The following ZFHX3 variants were observed in gnomAD, a reference collection of about 807,000 sequenced individuals.
ZFHX3 encodes zinc finger homeobox 3.
ZFHX3 carries 42 observed loss-of-function variants against 279.1 expected under a neutral mutation model. That is an observed-to-expected ratio of 0.15 (90% CI 0.12 to 0.19). The LOEUF (loss-of-function observed/expected upper bound fraction) is 0.19. ZFHX3 is among the 10% of genes least tolerant of loss of function. The pLI, the probability that ZFHX3 is intolerant of heterozygous loss-of-function variation, is 1.00. For synonymous variants in ZFHX3, 2,293 were observed against 1,957.8 expected, an observed-to-expected ratio of 1.17 and a Z score of -4.52; for missense variants, 4,981 against 4,754.0, an observed-to-expected ratio of 1.05 and a Z score of -1.40.
In ZFHX3 at chr16:72,787,360, G is replaced by A. The variant is rs759319087; in HGVS notation, c.10916C>T (p.Ser3639Leu). ...PPSFPPLSSS[S>L]TVTSSSCSTS... ...GCTGCATGAACTTGAGGTAACCGTT[G>A]AAGATGAGGAGAGAGGAGGAAAAGA... Residue 3639 changes from serine to leucine, a missense_variant, in exon 10 of 10, where the codon TCA becomes TTA. Physicochemically the swap from Ser to Leu is moderately radical, Grantham distance 145 (BLOSUM62 -2). Coordinates refer to ENST00000268489, the MANE Select transcript of ZFHX3 (RefSeq NM_006885.4). 2.5e-6 allele frequency: 4 copies of A among 1,612,526 alleles called. No individual in the cohort carries two copies. The highest frequency in any genetic ancestry group is 3.3e-5 in the Admixed American group (2 of 59,902).
intron 5 of ZFHX3, among the ~76,000 whole-genome samples, chr16:73,151,114 A>G (rs1157968058): frequency 6.6e-6 from 1 of 152,228 alleles, no homozygotes; most frequent in Non-Finnish European, 1.5e-5. Flanking sequence ...ATTTATATCA[A>G]ATGTCCACAA....
At chr16:72,989,414 G>A (rs1962984631) in intron 1 of ZFHX3, among the ~76,000 whole-genome samples, 1 of 151,684 alleles carries the variant, frequency 6.6e-6, no homozygotes, top group African/African-American at 2.4e-5. Flanking sequence ...CCCAGGAGGT[G>A]GAAGTTGCAG....
intron 5 of ZFHX3, among the ~76,000 whole-genome samples, chr16:73,199,523 T>A (rs988191775): frequency 3.3e-5 from 5 of 152,236 alleles, no homozygotes; most frequent in African/African-American, 1.2e-4. Context: ...TTCCCACCCA[T>A]TGCTCTCTTG....
chr16:73,046,128 G>A (rs940131801), intron 1 of ZFHX3, among the ~76,000 whole-genome samples: 2 of 152,180 alleles, frequency 1.3e-5, no homozygotes, highest in Admixed American at 6.5e-5. Flanking sequence ...CTCTCTGAAA[G>A]GGTGCCTGCA....
chr16:73,371,450 A>G (rs1266970368), intron 3 of ZFHX3, among the ~76,000 whole-genome samples: 1 of 151,470 alleles, frequency 6.6e-6, no homozygotes, highest in Non-Finnish European at 1.5e-5. Flanking sequence ...AGTGGCGCCA[A>G]CTCGGCTCGC....
chr16:73,316,389 A>C (rs1597280643), intron 4 of ZFHX3, among the ~76,000 whole-genome samples: 2 of 148,820 alleles, frequency 1.3e-5, no homozygotes, highest in Non-Finnish European at 3.0e-5. Context: ...TGTCCACCCC[A>C]CCCTCACCCC....
chr16:73,729,284 C>T (rs796221146), intron 1 of ZFHX3, among the ~76,000 whole-genome samples: 1 of 152,284 alleles, frequency 6.6e-6, no homozygotes, highest in African/African-American at 2.4e-5. Context: ...CCCAACACTT[C>T]TGGAGGCCAA....
chr16:73,538,339 T>G (rs2019943791), intron 2 of ZFHX3, among the ~76,000 whole-genome samples: 1 of 152,098 alleles, frequency 6.6e-6, no homozygotes, highest in Non-Finnish European at 1.5e-5. Flanking sequence ...AAATAAAATA[T>G]AATTAAAAGT....
intron 1 of ZFHX3, among the ~76,000 whole-genome samples, chr16:73,723,000 C>G (rs977037237): frequency 6.6e-6 from 1 of 152,112 alleles, no homozygotes; most frequent in African/African-American, 2.4e-5. Flanking sequence ...AGTGTGTGGT[C>G]TTCAAGCTAA....
chr16:73,848,383 T>C (rs1475651451), intron 1 of ZFHX3, among the ~76,000 whole-genome samples: 2 of 151,840 alleles, frequency 1.3e-5, no homozygotes, highest in East Asian at 1.9e-4. Context: ...GCAACGTTAC[T>C]TGATATCTAA....
chr16:73,336,589 A>C lies in ZFHX3; in HGVS notation c.-1290-18253T>G, dbSNP rs181076686. 3.9e-5 allele frequency among the ~76,000 whole-genome samples: 6 copies of C among 152,212 alleles called. No homozygotes were observed. In the East Asian group the frequency reaches 9.7e-4, roughly 24 times the overall value. ...ATCTTGTTCATTTTTATGACTGTGTAGTAGTTCATGGTGTATACGTGCCAT... is the reference window on the plus strand; with the variant it reads ...ATCTTGTTCATTTTTATGACTGTGTCGTAGTTCATGGTGTATACGTGCCAT... On this transcript the variant is annotated intron_variant, in intron 3 of 17. Transcript: ENST00000641206.
chr16:73,218,018 G>C (rs1031266370), intron 5 of ZFHX3, among the ~76,000 whole-genome samples: 1 of 152,132 alleles, frequency 6.6e-6, no homozygotes, highest in Non-Finnish European at 1.5e-5. Context: ...GTGTCTTCCA[G>C]TTTTATTCTG....
At chr16:73,515,551 GGAGAGAAAGA>G (rs2019505997) in intron 2 of ZFHX3, among the ~76,000 whole-genome samples, 1 of 139,742 alleles carries the variant, frequency 7.2e-6, no homozygotes, top group South Asian at 2.3e-4. Context: ...AGGAAGAGAG[GGAGAGAAAGA>G]GAGAGAAAGA....
rs184733643 is a variant in ZFHX3 at position 73,402,883 on chromosome 16, G to A, written c.-1291+53120C>T. On this transcript the variant is annotated intron_variant, in intron 3 of 17. Coordinates refer to the ZFHX3 transcript ENST00000641206. ...AGGGGAGGGCTTGGGGGTGGCTGTCGTACATATGGAAAATAAAAAAAAAAA... is the reference window on the plus strand; with the variant it reads ...AGGGGAGGGCTTGGGGGTGGCTGTCATACATATGGAAAATAAAAAAAAAAA... 3.7e-4 allele frequency among the ~76,000 whole-genome samples: 55 copies of A among 149,460 alleles called. No individual in the cohort carries two copies. The East Asian group carries it at 9.0e-3, about 24-fold the overall frequency.
chr16:73,677,356 C>G (rs1200014290), intron 2 of ZFHX3, among the ~76,000 whole-genome samples: 3 of 151,742 alleles, frequency 2.0e-5, no homozygotes, highest in African/African-American at 7.2e-5. Flanking sequence ...AAGAATATAA[C>G]AGCAAAAGTT....
chr16:73,763,534 C>A (rs548444094), intron 1 of ZFHX3, among the ~76,000 whole-genome samples: 1 of 152,052 alleles, frequency 6.6e-6, no homozygotes, highest in Non-Finnish European at 1.5e-5. Context: ...GTGGAGTTAA[C>A]GGTGACATTT....
intron 1 of ZFHX3, among the ~76,000 whole-genome samples, chr16:73,681,756 T>C (rs1039180948): frequency 6.6e-6 from 1 of 152,218 alleles, no homozygotes; most frequent in Non-Finnish European, 1.5e-5. Flanking sequence ...TTTACAGTAT[T>C]TTGTAAGCAT....
intron 3 of ZFHX3, among the ~76,000 whole-genome samples, chr16:73,318,987 C>T (rs1387278324): frequency 6.6e-6 from 1 of 152,074 alleles, no homozygotes; most frequent in African/African-American, 2.4e-5. Context: ...CCACACTTGT[C>T]TGCAGCTGAG....
intron 3 of ZFHX3, among the ~76,000 whole-genome samples, chr16:72,928,533 C>A: frequency 6.6e-6 from 1 of 152,068 alleles, no homozygotes; most frequent in South Asian, 2.1e-4. Context: ...ATGATAGGCC[C>A]CCAAACTCTA....
Sources: gnomAD v4.1 joint callset for allele counts (sites outside exome capture counted in the v4.1 genomes callset) on GRCh38, gnomAD v4.1.1 for gene constraint, MANE v1.5 for transcripts, NCBI Gene and HGNC (gene_info 2026-07-23, HGNC 2026-07-21) for gene names.